Variants in ARHGAP35 observed in about 807,000 individuals in gnomAD.
The protein encoded by ARHGAP35 is Rho GTPase activating protein 35.
In ARHGAP35, 15 loss-of-function variants were observed where a neutral mutation model predicts 111.1. The ratio of observed to expected loss-of-function variants is 0.13; its 90% CI spans 0.09 to 0.21. ARHGAP35 has a LOEUF of 0.21. ARHGAP35 is among the 10% of genes least tolerant of loss of function. ARHGAP35 has a pLI of 1.00. For synonymous variants in ARHGAP35, 643 were observed against 710.3 expected (o/e 0.91, Z 1.51); for missense variants, 1,262 against 1,873.0 (o/e 0.67, Z 6.02).
At chr19:46,903,655 G>A (rs181174766) in intron 1 of ARHGAP35, among the ~76,000 whole-genome samples, 19 of 152,284 alleles carry the variant, frequency 1.2e-4, no homozygotes, top group Middle Eastern at 3.4e-3. Flanking sequence ...TCTTAAGTCC[G>A]AGGGCTAAAC....
In ARHGAP35 at chr19:46,990,561, G is replaced by T. The variant is rs531717343; in HGVS notation, c.4036+886G>T. ...CTCTGCTAGCTGCCCAGAGATCACAGCCACCTGTGATCCAGCAACCAGAGG... is the reference window on the plus strand; with the variant it reads ...CTCTGCTAGCTGCCCAGAGATCACATCCACCTGTGATCCAGCAACCAGAGG... On this transcript the variant is annotated intron_variant, in intron 5 of 6. Coordinates refer to ENST00000672722, the MANE Select transcript of ARHGAP35 (RefSeq NM_004491.5). Among the ~76,000 whole-genome samples the T allele has an allele frequency of 9.8e-4, 150 of 152,360 alleles. 1 individual carries two copies. The highest frequency in any genetic ancestry group is 1.8e-3 in the Non-Finnish European group (124 of 68,034).
chr19:46,978,097 A>G (rs2056588929), intron 3 of ARHGAP35, among the ~76,000 whole-genome samples: 1 of 152,124 alleles, frequency 6.6e-6, no homozygotes, highest in African/African-American at 2.4e-5. Context: ...GTATAAGGGG[A>G]GGGTGGCAGG....
At chr19:46,925,038 G>A (rs980603809) in intron 2 of ARHGAP35, among the ~76,000 whole-genome samples, 5 of 152,098 alleles carry the variant, frequency 3.3e-5, no homozygotes, top group East Asian at 1.9e-4. Context: ...TTCCTTCCCC[G>A]GGTTGCTGGG....
intron 3 of ARHGAP35, among the ~76,000 whole-genome samples, chr19:46,940,793 C>A (rs2056342340): frequency 6.6e-6 from 1 of 152,072 alleles, no homozygotes; most frequent in African/African-American, 2.4e-5. Flanking sequence ...TCATCGTGAT[C>A]AAGTTCTGGG....
At chr19:46,878,367 C>G (rs1374786853) in intron 1 of ARHGAP35, among the ~76,000 whole-genome samples, 1 of 152,074 alleles carries the variant, frequency 6.6e-6, no homozygotes, top group African/African-American at 2.4e-5. Context: ...GTCACCCAGG[C>G]TGGGGTGCGG....
At chr19:46,927,373 A>G (rs1236197424) in intron 2 of ARHGAP35, among the ~76,000 whole-genome samples, 1 of 152,194 alleles carries the variant, frequency 6.6e-6, no homozygotes, top group African/African-American at 2.4e-5. Context: ...ACAGGATACT[A>G]AGGAATTGTG....
intron 3 of ARHGAP35, among the ~76,000 whole-genome samples, chr19:46,975,296 C>T (rs1568484611): frequency 6.6e-6 from 1 of 152,184 alleles, no homozygotes; most frequent in Non-Finnish European, 1.5e-5. Context: ...TACACTGCCC[C>T]ATCCCCTCCT....
At chr19:46,866,734 C>T (rs1202196924) in intron 1 of ARHGAP35, among the ~76,000 whole-genome samples, 9 of 152,198 alleles carry the variant, frequency 5.9e-5, no homozygotes, top group Admixed American at 5.9e-4. Context: ...GTAAAATGAA[C>T]TGGATTACCT....
chr19:46,977,630 C>A (rs1400722792), intron 3 of ARHGAP35, among the ~76,000 whole-genome samples: 1 of 152,152 alleles, frequency 6.6e-6, no homozygotes, highest in Non-Finnish European at 1.5e-5. Flanking sequence ...TACCAGGGGA[C>A]CAGCATTAAG....
At chr19:46,948,136 G>T (rs2056390479) in intron 3 of ARHGAP35, 1 of 152,262 alleles carries the variant, frequency 6.6e-6, no homozygotes, top group Non-Finnish European at 1.5e-5. Flanking sequence ...GAAGGTGGGG[G>T]AAGATTAGAG....
At chr19:46,968,407 C>T (rs1056122175) in intron 3 of ARHGAP35, among the ~76,000 whole-genome samples, 2 of 152,252 alleles carry the variant, frequency 1.3e-5, no homozygotes, top group East Asian at 1.9e-4. Context: ...GGGAATCCAC[C>T]GGCAAGGCTA....
chr19:46,878,594 T>G (rs896585738), intron 1 of ARHGAP35, among the ~76,000 whole-genome samples: 2 of 152,188 alleles, frequency 1.3e-5, no homozygotes, highest in African/African-American at 4.8e-5. Flanking sequence ...GCTGGGTTTA[T>G]AGGCCGGAGC....
rs1287896604 is a variant in ARHGAP35, at chr19:46,986,914, C to T, written c.3827-1075C>T. 6.6e-6 allele frequency among the ~76,000 whole-genome samples: 1 copy of T among 152,198 alleles called. No homozygotes were observed. The highest frequency in any genetic ancestry group is 2.4e-5 in the African/African-American group (1 of 41,446). ...CACGATCTTGGCTCACCACAACCTC[C>T]ACCTCCTGGGTTCAAGCAATTCTTC... On this transcript the variant is annotated intron_variant, in intron 3 of 6. Coordinates refer to ENST00000672722, the MANE Select transcript of ARHGAP35 (RefSeq NM_004491.5). The surrounding 1 kb of genome is among the most constrained non-coding windows in gnomAD (Gnocchi z 4.3).
rs937798903 is a variant in ARHGAP35 at position 46,988,343 on chromosome 19, A to T, written c.3904+277A>T. The T allele has an allele frequency of 2.3e-6, 1 of 429,538 alleles. No homozygotes were observed. Among genetic ancestry groups the T allele is most frequent in the African/African-American group, 2.0e-5 (1 of 49,576 alleles). The allele number at this position is 429,538 out of a possible 1,614,324, so 26.6% of individuals were successfully genotyped here. On this transcript the variant is annotated intron_variant, in intron 4 of 6. Transcript: ENST00000672722. The surrounding 1 kb of genome is among the most constrained non-coding windows in gnomAD (Gnocchi z 5.4). Reference sequence around the variant, plus strand: ...ATGCTCTTCCAGGTTGCCCGGGCACATGCCTCCCTCACCACACTGAAGAGC... The same window carrying T: ...ATGCTCTTCCAGGTTGCCCGGGCACTTGCCTCCCTCACCACACTGAAGAGC...
At chr19:46,961,071 T>G (rs2056479616) in intron 3 of ARHGAP35, among the ~76,000 whole-genome samples, 1 of 152,022 alleles carries the variant, frequency 6.6e-6, no homozygotes, top group African/African-American at 2.4e-5. Context: ...ATTTTTGTAT[T>G]TTTAGTAGAG....
At position 46,989,758 on chromosome 19, in the gene ARHGAP35, A is replaced by C; in HGVS notation, c.4036+83A>C. On this transcript the variant is annotated intron_variant, in intron 5 of 6. Transcript: ENST00000672722. This position sits in a 1 kb window ranked among gnomAD's most constrained non-coding sequence, Gnocchi z 5.3. ...AGAATAGGTCCTGCCCTCAGAATGG[A>C]TGCTGGCTGTTAGAGCTGAGGTTTG... 6.3e-7 allele frequency: 1 copy of C among 1,585,860 alleles called. No individual in the cohort carries two copies. The highest frequency in any genetic ancestry group is 8.6e-7 in the Non-Finnish European group (1 of 1,164,540).
At chr19:46,998,820 G>C (rs937036536) in intron 5 of ARHGAP35, among the ~76,000 whole-genome samples, 10 of 152,232 alleles carry the variant, frequency 6.6e-5, no homozygotes, top group African/African-American at 2.4e-4. Context: ...GGGATGTGTG[G>C]ACGGTCCCTG....
chr19:46,863,772 G>C (rs775515877), intron 1 of ARHGAP35, among the ~76,000 whole-genome samples: 19 of 152,148 alleles, frequency 1.2e-4, no homozygotes, highest in Non-Finnish European at 2.6e-4. Context: ...GCCACAGTTG[G>C]ACCTAGGGAA....
chr19:46,998,128 A>G (rs1170411484), intron 5 of ARHGAP35, among the ~76,000 whole-genome samples: 1 of 151,998 alleles, frequency 6.6e-6, no homozygotes, highest in Non-Finnish European at 1.5e-5. Flanking sequence ...AAGAAAGAAA[A>G]GAATACTTGG....
Sources: allele counts gnomAD v4.1 joint callset (sites outside exome capture counted in the v4.1 genomes callset), GRCh38; gene constraint gnomAD v4.1.1; non-coding constraint Gnocchi (gnomAD v3.1); transcripts MANE v1.5; gene names NCBI Gene and HGNC (gene_info 2026-07-23, HGNC 2026-07-21).